Variants in RNLS observed in about 807,000 individuals in gnomAD.
The protein encoded by RNLS is renalase.
RNLS carries 39 observed loss-of-function variants against 39.8 expected under a neutral mutation model. The observed-to-expected ratio is 0.98, with a 90% CI of 0.76 to 1.28. The LOEUF (loss-of-function observed/expected upper bound fraction) is 1.28, where lower values mean the gene tolerates loss of function less well. Ranked by LOEUF, RNLS falls within the 50% of genes most tolerant of loss-of-function variation. The pLI is 0.00. For synonymous variants in RNLS, 147 were observed against 150.7 expected (o/e 0.98, Z 0.18); for missense variants, 410 against 413.3 (o/e 0.99, Z 0.07).
chr10:88,371,487 A>T (rs762411706), intron 4 of RNLS, among the ~76,000 whole-genome samples: 2 of 152,192 alleles, frequency 1.3e-5, no homozygotes, highest in Non-Finnish European at 2.9e-5. Flanking sequence ...TAAGAATGTC[A>T]AAAGTATTTC....
chr10:88,394,737 A>G (rs1175475842), intron 4 of RNLS, among the ~76,000 whole-genome samples: 2 of 152,204 alleles, frequency 1.3e-5, no homozygotes, highest in Non-Finnish European at 2.9e-5. Context: ...ATAAAGACAC[A>G]TGCACACGTA....
At chr10:88,458,070 A>C (rs552774532) in intron 4 of RNLS, among the ~76,000 whole-genome samples, 2 of 152,198 alleles carry the variant, frequency 1.3e-5, no homozygotes, top group African/African-American at 4.8e-5. Flanking sequence ...TCCTCACCCA[A>C]ATTATTTTCC....
intron 4 of RNLS, among the ~76,000 whole-genome samples, chr10:88,548,776 G>C (rs1294077995): frequency 6.7e-6 from 1 of 149,916 alleles, no homozygotes; most frequent in East Asian, 1.9e-4. Flanking sequence ...ATGTATAATA[G>C]AGTATATTAT....
At chr10:88,451,559 T>A (rs1032291526) in intron 4 of RNLS, among the ~76,000 whole-genome samples, 1 of 152,196 alleles carries the variant, frequency 6.6e-6, no homozygotes, top group African/African-American at 2.4e-5. Flanking sequence ...TGAATTGTCT[T>A]CTGGGTAATA....
In RNLS at chr10:88,484,227, T is replaced by C. The variant is rs531909814; in HGVS notation, c.526+88676A>G. ...ATCTCAACAGCTACCAAACCAACTT[T>C]ATTAGATAATTTAACCAATTTCATA... On this transcript the variant is annotated intron_variant, in intron 4 of 6. Transcript: ENST00000331772. 1.8e-4 allele frequency among the ~76,000 whole-genome samples: 28 copies of C among 152,208 alleles called. 1 individual carries two copies. Among genetic ancestry groups the C allele is most frequent in the South Asian group, 1.4e-3 (7 of 4,830 alleles).
chr10:88,338,758 CTTTTTTTTTTTT>C lies in RNLS; in HGVS notation c.700+23782_700+23793del, dbSNP rs36061512. 5.8e-3 allele frequency among the ~76,000 whole-genome samples: 654 copies of C among 112,502 alleles called. 4 individuals carry two copies. The highest frequency in any genetic ancestry group is 0.01 in the Admixed American group (107 of 10,284). The allele number at this position is 112,502 out of a possible 152,430, so 73.8% of individuals were successfully genotyped here. A position where few individuals can be genotyped will look rare whatever the true frequency, so the allele number is the denominator to read the frequency against. ...AGTGACAGTAGGAAAGCTAGATTTCCTTTTTTTTTTTTTTTTTTTTTTGAGACGGAGTCTCGC... is the reference window on the plus strand; with the variant it reads ...AGTGACAGTAGGAAAGCTAGATTTCCTTTTTTTTTTGAGACGGAGTCTCGC... On this transcript the variant is annotated intron_variant, in intron 5 of 6. Coordinates refer to ENST00000331772, the MANE Select transcript of RNLS (RefSeq NM_001031709.3).
intron 5 of RNLS, among the ~76,000 whole-genome samples, chr10:88,350,274 C>T (rs1017700921): frequency 1.3e-5 from 2 of 151,720 alleles, no homozygotes; most frequent in East Asian, 1.9e-4. Context: ...GGTACATGTG[C>T]ACAACGTGCA....
chr10:88,171,765 C>T, the RNLS span, among the ~76,000 whole-genome samples: 1 of 152,146 alleles, frequency 6.6e-6, no homozygotes, highest in African/African-American at 2.4e-5. Context: ...CCCTACAGTG[C>T]TATAGAACAC....
chr10:88,298,318 CA>C (rs1844239678), intron 6 of RNLS, among the ~76,000 whole-genome samples: 2 of 151,940 alleles, frequency 1.3e-5, no homozygotes, highest in Non-Finnish European at 2.9e-5. Context: ...CTTTGATGAA[CA>C]AAAGTATTGA....
At chr10:88,372,239 C>T (rs1363078905) in intron 4 of RNLS, among the ~76,000 whole-genome samples, 2 of 152,086 alleles carry the variant, frequency 1.3e-5, no homozygotes, top group African/African-American at 4.8e-5. Context: ...ATCAGGTCCC[C>T]TCCCCTCTCC....
chr10:88,568,507 T>G (rs546437799), intron 4 of RNLS, among the ~76,000 whole-genome samples: 5 of 152,204 alleles, frequency 3.3e-5, no homozygotes, highest in African/African-American at 1.2e-4. Context: ...AGCTATTTTT[T>G]TGTGTGTGTC....
the RNLS span, among the ~76,000 whole-genome samples, chr10:88,261,494 T>C: frequency 0.54 from 81,629 of 151,996 alleles, 23,662 homozygotes; most frequent in African/African-American, 0.76. Flanking sequence ...GGCTTTAGGA[T>C]CCACCATTGC....
chr10:88,447,561 A>T (rs891558123), intron 4 of RNLS, among the ~76,000 whole-genome samples: 1 of 152,254 alleles, frequency 6.6e-6, no homozygotes, highest in African/African-American at 2.4e-5. Context: ...AAGAATCAAT[A>T]TCAGGAAAAT....
At chr10:88,246,582 A>G in the RNLS span, among the ~76,000 whole-genome samples, 3 of 151,882 alleles carry the variant, frequency 2.0e-5, no homozygotes, top group East Asian at 5.8e-4. Context: ...TGTGTAATGT[A>G]GGTAATATAA....
intron 4 of RNLS, among the ~76,000 whole-genome samples, chr10:88,504,497 G>A (rs1417654191): frequency 2.0e-5 from 3 of 151,926 alleles, no homozygotes; most frequent in Non-Finnish European, 4.4e-5. Flanking sequence ...AATACAAATA[G>A]AATGGAAACT....
At chr10:88,449,383 C>T (rs186256028) in intron 4 of RNLS, among the ~76,000 whole-genome samples, 24 of 152,308 alleles carry the variant, frequency 1.6e-4, no homozygotes, top group African/African-American at 4.8e-4. Flanking sequence ...CTCTTTTCCA[C>T]GTGTTTAATT....
intron 4 of RNLS, among the ~76,000 whole-genome samples, chr10:88,500,110 T>A (rs919975345): frequency 1.5e-4 from 23 of 152,244 alleles, no homozygotes; most frequent in African/African-American, 5.5e-4. Flanking sequence ...CGGTGTTTAC[T>A]AAGCAGGCAT....
chr10:88,496,057 G>A (rs1255698247), intron 4 of RNLS, among the ~76,000 whole-genome samples: 1 of 152,124 alleles, frequency 6.6e-6, no homozygotes, highest in Non-Finnish European at 1.5e-5. Flanking sequence ...ATGGGTTGCA[G>A]AAGGCAAAGG....
intron 4 of RNLS, among the ~76,000 whole-genome samples, chr10:88,418,874 G>A (rs1329283542): frequency 1.3e-5 from 2 of 152,152 alleles, no homozygotes; most frequent in African/African-American, 2.4e-5. Flanking sequence ...CAGATAACCT[G>A]TTGGTTCCAG....
Sources: gnomAD v4.1 joint callset for allele counts (sites outside exome capture counted in the v4.1 genomes callset) on GRCh38, gnomAD v4.1.1 for gene constraint, MANE v1.5 for transcripts, NCBI Gene and HGNC (gene_info 2026-07-23, HGNC 2026-07-21) for gene names.